Variants in CEP89 observed in about 807,000 individuals in gnomAD.
CEP89 encodes centrosomal protein 89, also known as centrosomal protein of 89 kDa.
CEP89 carries 95 observed loss-of-function variants against 97.6 expected under a neutral mutation model. That is an observed-to-expected ratio of 0.97 (90% confidence interval 0.82 to 1.15). CEP89 has a LOEUF of 1.15. CEP89 is among the 50% of genes most tolerant of loss of function. The probability of loss-of-function intolerance (pLI) is 0.00; values close to 1 mark genes in which losing one functional copy is unlikely to be tolerated. For missense variants in CEP89, 869 were observed against 947.7 expected (o/e 0.92, Z 1.09); for synonymous variants, 354 against 349.1 (o/e 1.01, Z -0.16).
intron 8 of CEP89, among the ~76,000 whole-genome samples, chr19:32,933,099 T>C (rs1970509297): frequency 6.6e-6 from 1 of 152,008 alleles, no homozygotes; most frequent in Admixed American, 6.6e-5. Context: ...GCAAGGAAAA[T>C]ATAATCATTG....
intron 11 of CEP89, among the ~76,000 whole-genome samples, chr19:32,924,832 C>T (rs964638221): frequency 2.6e-4 from 39 of 152,150 alleles, no homozygotes; most frequent in Non-Finnish European, 5.3e-4. Context: ...TTTCATGTTG[C>T]AACAGCAGGG....
intron 5 of CEP89, among the ~76,000 whole-genome samples, chr19:32,941,382 A>G (rs1970683020): frequency 1.3e-5 from 2 of 152,066 alleles, no homozygotes; most frequent in African/African-American, 4.8e-5. Context: ...ACTTGCCTGT[A>G]ATCCCAGCTA....
intron 14 of CEP89, among the ~76,000 whole-genome samples, chr19:32,904,170 TGAAA>T (rs890092632): frequency 4.6e-5 from 7 of 152,232 alleles, no homozygotes; most frequent in African/African-American, 1.7e-4. Flanking sequence ...AAAAAGGGTC[TGAAA>T]GAAAGAAAGA....
intron 16 of CEP89, among the ~76,000 whole-genome samples, chr19:32,889,009 G>A (rs1969458761): frequency 6.6e-6 from 1 of 152,026 alleles, no homozygotes; most frequent in South Asian, 2.1e-4. Flanking sequence ...TGTAGCCAGA[G>A]GTCATCAGCA....
At chr19:32,937,470 G>A (rs891986318) in intron 7 of CEP89, 161 bp downstream of exon 7, 8 of 635,884 alleles carry the variant, frequency 1.3e-5, no homozygotes, top group Non-Finnish European at 2.0e-5. Context: ...ATGGACATAC[G>A]TCCACTACCT....
intron 5 of CEP89, among the ~76,000 whole-genome samples, chr19:32,944,408 GC>G (rs1382659936): frequency 6.6e-6 from 1 of 152,048 alleles, no homozygotes; most frequent in Admixed American, 6.6e-5. Context: ...ACGGGTGGAT[GC>G]CCAGGAAGGC....
intron 5 of CEP89, among the ~76,000 whole-genome samples, chr19:32,945,444 CT>C (rs1406580925): frequency 6.6e-6 from 1 of 152,196 alleles, no homozygotes; most frequent in African/African-American, 2.4e-5. Flanking sequence ...CAACCACCAC[CT>C]GTGTGCCAGG....
In CEP89 at chr19:32,954,462, C is replaced by T. The variant is rs1288793807; in HGVS notation, c.306-661G>A. Among the ~76,000 whole-genome samples the T allele has an allele frequency of 2.0e-5, 3 of 151,342 alleles. No homozygotes were observed. The South Asian group carries it at 6.3e-4, about 32-fold the overall frequency. On this transcript the variant is annotated intron_variant, in intron 3 of 18. Coordinates refer to ENST00000305768, the MANE Select transcript of CEP89 (RefSeq NM_032816.5). Reference sequence around the variant, plus strand: ...TCACTGTAGCCTCAATCTCTCTGGGCTCAGGTGATCCTCCAGTCTCAGCCT... The same window carrying T: ...TCACTGTAGCCTCAATCTCTCTGGGTTCAGGTGATCCTCCAGTCTCAGCCT...
At chr19:32,932,565 C>T (rs1456728692) in intron 8 of CEP89, among the ~76,000 whole-genome samples, 3 of 151,998 alleles carry the variant, frequency 2.0e-5, no homozygotes, top group Admixed American at 6.6e-5. Flanking sequence ...GAAAATATTA[C>T]ACCTATGACA....
chr19:32,941,862 C>T (rs932053116), intron 5 of CEP89, among the ~76,000 whole-genome samples: 6 of 152,168 alleles, frequency 3.9e-5, no homozygotes, highest in African/African-American at 1.4e-4. Context: ...ATCTCTGACA[C>T]ACGGCTGGCA....
rs766681312 is a variant in CEP89, at chr19:32,881,980, C to T, written c.1999G>A (p.Asp667Asn). The T allele has an allele frequency of 1.9e-6, 3 of 1,584,138 alleles. No homozygotes were observed. Among genetic ancestry groups the T allele is most frequent in the Non-Finnish European group, 8.6e-7 (1 of 1,165,302 alleles). Residue 667 changes from aspartate to asparagine, a missense_variant, in exon 18 of 19, where the codon GAC (aspartate) becomes AAC (asparagine). Transcript: ENST00000305768. ...YKKQAALKLG[D>N]ISHRLLEQQE... ...TGCTCCAGCAGACGGTGACTGATGT[C>T]CCCCAGCTTCAGTGCTGCCTGCTTC...
chr19:32,958,164 T>A (rs189063715), intron 3 of CEP89, among the ~76,000 whole-genome samples: 4 of 150,556 alleles, frequency 2.7e-5, no homozygotes, highest in Middle Eastern at 3.4e-3. Context: ...CAAAGTATAA[T>A]GCTTACCAGG....
At position 32,941,085 on chromosome 19, in the gene CEP89, A is replaced by G. The variant is rs182138002; in HGVS notation, c.596-1200T>C. Among the ~76,000 whole-genome samples the G allele has an allele frequency of 5.0e-3, 756 of 152,278 alleles. 4 individuals are homozygous for G. The highest frequency in any genetic ancestry group is 7.8e-3 in the Non-Finnish European group (534 of 68,032). Reference sequence around the variant, plus strand: ...CCTGAGTTGCTTTTAACTTTCTACTATTAATTTGCAGAGCAGAAATAACCA... The same window carrying G: ...CCTGAGTTGCTTTTAACTTTCTACTGTTAATTTGCAGAGCAGAAATAACCA... On this transcript the variant is annotated intron_variant, in intron 5 of 18. Transcript: ENST00000305768.
At chr19:32,962,008 C>T (rs910525027) in intron 2 of CEP89, among the ~76,000 whole-genome samples, 11 of 150,806 alleles carry the variant, frequency 7.3e-5, no homozygotes, top group African/African-American at 2.4e-4. Context: ...AACTAATAGC[C>T]TTACCATCAA....
chr19:32,966,472 CA>C lies in CEP89; in HGVS notation c.40-7del. The C allele has an allele frequency of 6.7e-7, 1 of 1,489,572 alleles. No homozygotes were observed. Among genetic ancestry groups the C allele is most frequent in the East Asian group, 2.6e-5 (1 of 38,710 alleles). The allele number at this position is 1,489,572 out of a possible 1,614,324, so 92.3% of individuals were successfully genotyped here. ...AGGCCATGGATGATGTGTTTCTGCA[CA>C]AATGAAATCCAACAGAAGTCACTGG... On this transcript the variant is annotated splice_region_variant and splice_polypyrimidine_tract_variant and intron_variant, in intron 1 of 18. Transcript: ENST00000305768.
chr19:32,877,491 G>A lies in CEP89; in HGVS notation c.*1671C>T, dbSNP rs1969195220. ...CGGCTGGGGTAATTTTCCTGAGGAG[G>A]TGGCACGTCATCTAACACACATGGG... is the stretch of plus-strand genomic sequence containing the variant. On this transcript the variant is annotated 3_prime_UTR_variant, in exon 19 of 19. Transcript: ENST00000305768. 1 of 152,078 alleles carries A rather than the reference G, an allele frequency of 6.6e-6. No homozygotes were observed. The allele number at this position is 152,078 out of a possible 1,614,324, so 9.4% of individuals were successfully genotyped here.
Position 32,902,010 on chromosome 19 carries a change from C to CTCTCTGTGTGTG in CEP89, c.1566-599_1566-598insCACACACAGAGA, listed in dbSNP as rs1207481256. ...TCTGTCTCTCTGTCTCTCTCTCTCT[C>CTCTCTGTGTGTG]TGTGTGTGTGTGTGTGTGTGTGTGT... On this transcript the variant is annotated intron_variant, in intron 14 of 18. Transcript: ENST00000305768. Among the ~76,000 whole-genome samples the CTCTCTGTGTGTG allele has an allele frequency of 4.7e-3, 627 of 133,796 alleles. 9 individuals carry two copies. Among genetic ancestry groups the CTCTCTGTGTGTG allele is most frequent in the African/African-American group, 0.014 (491 of 34,562 alleles). The allele number at this position is 133,796 out of a possible 152,430, so 87.8% of individuals were successfully genotyped here. A position where few individuals can be genotyped will look rare whatever the true frequency, so the allele number is the denominator to read the frequency against.
At chr19:32,894,500 C>T (rs1050844517) in intron 16 of CEP89, among the ~76,000 whole-genome samples, 5 of 152,206 alleles carry the variant, frequency 3.3e-5, no homozygotes, top group South Asian at 2.1e-4. Flanking sequence ...AAGCTATTAA[C>T]TACCAATTCC....
At chr19:32,879,693 CCT>C (rs1969239489) in intron 18 of CEP89, among the ~76,000 whole-genome samples, 1 of 152,194 alleles carries the variant, frequency 6.6e-6, no homozygotes, top group African/African-American at 2.4e-5. Flanking sequence ...CAGTGCAATC[CCT>C]GTTTTCTCTC....
Sources: gnomAD v4.1 joint callset for allele counts (sites outside exome capture counted in the v4.1 genomes callset) on GRCh38, gnomAD v4.1.1 for gene constraint, MANE v1.5 for transcripts, NCBI Gene and HGNC (gene_info 2026-07-23, HGNC 2026-07-21) for gene names.